HSD17B12: variants seen among roughly 807,000 people sequenced by gnomAD.
HSD17B12 encodes hydroxysteroid 17-beta dehydrogenase 12.
Under a neutral mutation model 39.3 loss-of-function variants are expected in HSD17B12, and 32 were observed. The observed-to-expected ratio is 0.81, with a 90% CI of 0.61 to 1.09. HSD17B12 has a LOEUF of 1.09. Among genes scored for constraint, HSD17B12 ranks in the 50% least tolerant of loss-of-function variants. The pLI, the probability that HSD17B12 is intolerant of heterozygous loss-of-function variation, is 0.00. For missense variants in HSD17B12, 342 were observed against 382.9 expected, an observed-to-expected ratio of 0.89 and a Z score of 0.89; for synonymous variants, 150 against 146.7, an observed-to-expected ratio of 1.02 and a Z score of -0.16.
Position 43,816,512 on chromosome 11 carries a change from A to G in HSD17B12, c.501+121A>G, listed in dbSNP as rs1951124504. On this transcript the variant is annotated intron_variant, in intron 6 of 10. Coordinates refer to ENST00000278353, the MANE Select transcript of HSD17B12 (RefSeq NM_016142.3). ...TTAGATGCAGATACATGTATTCCAG[A>G]TACAAGTGGTCTATTAACTTATTTC... 8.2e-6 allele frequency: 6 copies of G among 731,950 alleles called. No homozygotes were observed. The Admixed American group carries it at 2.3e-4, about 28-fold the overall frequency. 45.3% of individuals were successfully genotyped at this position (731,950 alleles called of 1,614,324 possible). A position where few individuals can be genotyped will look rare whatever the true frequency, so the allele number is the denominator to read the frequency against.
At chr11:43,692,634 T>G (rs980443231) in intron 1 of HSD17B12, among the ~76,000 whole-genome samples, 6 of 152,216 alleles carry the variant, frequency 3.9e-5, no homozygotes, top group African/African-American at 1.4e-4. Flanking sequence ...CCAATTAAAG[T>G]TTTAGTAACA....
the HSD17B12 span, among the ~76,000 whole-genome samples, chr11:43,577,434 G>A: frequency 6.6e-6 from 1 of 152,216 alleles, no homozygotes; most frequent in Non-Finnish European, 1.5e-5. Flanking sequence ...TTTCAGGAAT[G>A]GAAGGCCAGT....
chr11:43,761,858 T>C (rs1324761655), intron 3 of HSD17B12, among the ~76,000 whole-genome samples: 1 of 152,218 alleles, frequency 6.6e-6, no homozygotes, highest in Non-Finnish European at 1.5e-5. Flanking sequence ...TCACGTAGCA[T>C]TATTACTACC....
chr11:43,678,455 A>G (rs1038209983), upstream of HSD17B12, among the ~76,000 whole-genome samples: 1 of 152,102 alleles, frequency 6.6e-6, no homozygotes, highest in Non-Finnish European at 1.5e-5. Flanking sequence ...CCATTTGTCA[A>G]TTTTGGCTTT....
At chr11:43,729,132 A>C (rs1459498340) in intron 1 of HSD17B12, among the ~76,000 whole-genome samples, 2 of 152,208 alleles carry the variant, frequency 1.3e-5, no homozygotes, top group African/African-American at 4.8e-5. Context: ...AGGGAAAGGC[A>C]ATAGAGTAGC....
At chr11:43,634,567 G>C in the HSD17B12 span, among the ~76,000 whole-genome samples, 2 of 152,192 alleles carry the variant, frequency 1.3e-5, no homozygotes, top group African/African-American at 4.8e-5. Flanking sequence ...ATTTTAAACT[G>C]TGTGACTACG....
At chr11:43,729,750 T>C (rs999617298) in intron 1 of HSD17B12, among the ~76,000 whole-genome samples, 1 of 152,198 alleles carries the variant, frequency 6.6e-6, no homozygotes, top group Non-Finnish European at 1.5e-5. Context: ...ATCTAAGAAG[T>C]TGAATGAAAC....
At chr11:43,730,286 G>A (rs907520844) in intron 1 of HSD17B12, among the ~76,000 whole-genome samples, 3 of 152,186 alleles carry the variant, frequency 2.0e-5, no homozygotes, top group African/African-American at 2.4e-5. Context: ...TATAATCTCT[G>A]TAACTGAGAA....
chr11:43,627,118 G>A, the HSD17B12 span, among the ~76,000 whole-genome samples: 1 of 151,854 alleles, frequency 6.6e-6, no homozygotes, highest in African/African-American at 2.4e-5. Flanking sequence ...CATTATGAAG[G>A]CACAGAAATT....
chr11:43,561,328 C>A, the HSD17B12 span, among the ~76,000 whole-genome samples: 74 of 152,310 alleles, frequency 4.9e-4, no homozygotes, highest in African/African-American at 1.6e-3. Context: ...TCAGAAATTA[C>A]TTTAGCAATT....
the HSD17B12 span, among the ~76,000 whole-genome samples, chr11:43,608,719 C>T: frequency 1.3e-4 from 20 of 152,262 alleles, no homozygotes; most frequent in East Asian, 3.9e-3. Flanking sequence ...GTAGGTAATG[C>T]AGCAATAAAA....
intron 3 of HSD17B12, among the ~76,000 whole-genome samples, chr11:43,792,682 CT>C (rs60140879): frequency 0.078 from 7,868 of 101,014 alleles, 117 homozygotes; most frequent in African/African-American, 0.14. Flanking sequence ...TCAATGTAAC[CT>C]TTTTTTTTTT....
intron 3 of HSD17B12, among the ~76,000 whole-genome samples, chr11:43,760,943 T>A (rs1218803385): frequency 3.9e-5 from 6 of 152,194 alleles, no homozygotes; most frequent in African/African-American, 1.2e-4. Context: ...ATAAAACCCA[T>A]CCATTTTGCC....
chr11:43,672,421 A>G, the HSD17B12 span, among the ~76,000 whole-genome samples: 1 of 152,178 alleles, frequency 6.6e-6, no homozygotes, highest in Non-Finnish European at 1.5e-5. Context: ...TCCGTATGCA[A>G]GAAGGTTAAC....
chr11:43,667,417 G>T, the HSD17B12 span, among the ~76,000 whole-genome samples: 2 of 152,158 alleles, frequency 1.3e-5, no homozygotes, highest in African/African-American at 2.4e-5. Context: ...CTCCCAAAAT[G>T]CTGGGATGAA....
the HSD17B12 span, among the ~76,000 whole-genome samples, chr11:43,664,674 C>T: frequency 1.4e-4 from 22 of 152,278 alleles, no homozygotes; most frequent in East Asian, 4.1e-3. Flanking sequence ...TGGAACTTCC[C>T]TTGAAGGAAT....
At chr11:43,817,554 C>T (rs1347245608) in intron 6 of HSD17B12, among the ~76,000 whole-genome samples, 1 of 152,118 alleles carries the variant, frequency 6.6e-6, no homozygotes, top group Non-Finnish European at 1.5e-5. Context: ...CAGTTTCATT[C>T]TGCTACATGT....
chr11:43,809,880 T>G lies in HSD17B12; in HGVS notation c.392-5557T>G, dbSNP rs965255068. On this transcript the variant is annotated intron_variant, in intron 4 of 10. Coordinates refer to ENST00000278353, the MANE Select transcript of HSD17B12 (RefSeq NM_016142.3). Reference sequence around the variant, plus strand: ...ATGTCTTTTTATTAACTCTAAGTGCTGGAACTGGATTAGCATTTATAACCA... The same window carrying G: ...ATGTCTTTTTATTAACTCTAAGTGCGGGAACTGGATTAGCATTTATAACCA... 5.9e-5 allele frequency among the ~76,000 whole-genome samples: 9 copies of G among 152,318 alleles called. No homozygotes were observed. In the East Asian group the frequency reaches 1.5e-3, roughly 26 times the overall value.
chr11:43,693,223 G>A (rs965539861), intron 1 of HSD17B12, among the ~76,000 whole-genome samples: 2 of 152,224 alleles, frequency 1.3e-5, no homozygotes, highest in African/African-American at 4.8e-5. Flanking sequence ...AACGATAGGA[G>A]CGATGAGCAG....
Sources: allele counts gnomAD v4.1 joint callset (sites outside exome capture counted in the v4.1 genomes callset), GRCh38; gene constraint gnomAD v4.1.1; transcripts MANE v1.5; gene names NCBI Gene and HGNC (gene_info 2026-07-23, HGNC 2026-07-21).